Variants in DAGLB observed in about 807,000 individuals in gnomAD.
DAGLB encodes the protein diacylglycerol lipase-beta.
In DAGLB, 66 loss-of-function variants were observed where a neutral mutation model predicts 72.1. That is an observed-to-expected ratio of 0.92 (90% CI 0.75 to 1.12). The LOEUF (loss-of-function observed/expected upper bound fraction) is 1.12. DAGLB is among the 50% of genes most tolerant of loss of function. The pLI, the probability that DAGLB is intolerant of heterozygous loss-of-function variation, is 0.00. For synonymous variants in DAGLB, 414 were observed against 359.5 expected (o/e 1.15, Z -1.71); for missense variants, 1,065 against 884.9 (o/e 1.20, Z -2.58).
intron 9 of DAGLB, chr7:6,417,915 G>A (rs1027548588): frequency 2.0e-5 from 3 of 152,170 alleles, no homozygotes; most frequent in African/African-American, 7.2e-5. Flanking sequence ...CTGTTGCCCA[G>A]GATGGAGTGC....
intron 2 of DAGLB, among the ~76,000 whole-genome samples, chr7:6,437,167 T>G (rs74955501): frequency 1.0e-4 from 13 of 129,904 alleles, no homozygotes; most frequent in Non-Finnish European, 1.8e-4. Context: ...ATAATAATAA[T>G]AATAATAATA....
intron 5 of DAGLB, among the ~76,000 whole-genome samples, chr7:6,431,903 T>C (rs1378841117): frequency 6.6e-6 from 1 of 152,134 alleles, no homozygotes; most frequent in African/African-American, 2.4e-5. Flanking sequence ...AAGCCGCCAA[T>C]CAGATTCCAA....
chr7:6,447,647 G>T lies in DAGLB; in HGVS notation c.95+101C>A. The T allele has an allele frequency of 2.1e-6, 3 of 1,452,780 alleles. No individual in the cohort carries two copies. The South Asian group carries it at 4.0e-5, about 19-fold the overall frequency. The allele number at this position is 1,452,780 out of a possible 1,614,324, so 90.0% of individuals were successfully genotyped here. ...GATGCGTGGCCAGCGCTGGGACCGCGACAGTGCTTGGGAAGCCACTTCTGT... is the reference window on the plus strand; with the variant it reads ...GATGCGTGGCCAGCGCTGGGACCGCTACAGTGCTTGGGAAGCCACTTCTGT... On this transcript the variant is annotated intron_variant, in intron 1 of 14. Coordinates refer to ENST00000297056, the MANE Select transcript of DAGLB (RefSeq NM_139179.4).
At chr7:6,433,548 G>C (rs1339908110) in intron 4 of DAGLB, among the ~76,000 whole-genome samples, 1 of 152,172 alleles carries the variant, frequency 6.6e-6, no homozygotes, top group Non-Finnish European at 1.5e-5. Flanking sequence ...CGTAAGAATG[G>C]ACAATATACT....
chr7:6,432,891 G>C lies in DAGLB; in HGVS notation c.747C>G (p.Ile249Met), dbSNP rs1289270106. The C allele has an allele frequency of 6.2e-7, 1 of 1,613,926 alleles. No individual in the cohort carries two copies. The change falls in exon 5 of 15, where the codon ATC becomes ATG. Residue 249 changes from isoleucine (I) to methionine (M), a missense_variant. Transcript: ENST00000297056. Reference protein sequence around the residue: ...LALLHQQQDNIRNNQEPAQVV... With the variant: ...LALLHQQQDNMRNNQEPAQVV... ...CCTGGGCAGGCTCTTGGTTGTTCCT[G>C]ATATTGTCCTGTTGCTGATGAAGCA...
intron 1 of DAGLB, among the ~76,000 whole-genome samples, chr7:6,447,171 C>G (rs1785034000): frequency 6.6e-6 from 1 of 152,200 alleles, no homozygotes; most frequent in Non-Finnish European, 1.5e-5. Flanking sequence ...ATGATTCATT[C>G]CCTGCACAGA....
At chr7:6,412,923 C>T in intron 12 of DAGLB, 40 bp from the exon 13 acceptor site, 2 of 1,612,728 alleles carry the variant, frequency 1.2e-6, no homozygotes, top group Non-Finnish European at 1.7e-6. Context: ...GGACCTGGCA[C>T]TCCCAACCCC....
chr7:6,421,940 G>A, intron 8 of DAGLB, 136 bp from the exon 9 acceptor site: 1 of 982,572 alleles, frequency 1.0e-6, no homozygotes, highest in Non-Finnish European at 1.6e-6. Flanking sequence ...TCCTGGGACT[G>A]AACCCTAAAC....
Position 6,430,564 on chromosome 7 carries a change from A to G in DAGLB, c.845T>C (p.Met282Thr). Residue 282 changes from methionine to threonine, a missense_variant, in exon 6 of 15, where the codon ATG (methionine) becomes ACG (threonine). Met to Thr is a moderately conservative substitution (Grantham distance 81). Coordinates refer to ENST00000297056, the MANE Select transcript of DAGLB (RefSeq NM_139179.4). ...DAELENCHHYMQFAAAAYGWP... is the reference protein window; with the variant it reads ...DAELENCHHYTQFAAAAYGWP... ...CCCATAGGCCGCTGCTGCAAACTGCATGTAATGATGGCAGTTTTCTAATTC... is the reference window on the plus strand; with the variant it reads ...CCCATAGGCCGCTGCTGCAAACTGCGTGTAATGATGGCAGTTTTCTAATTC... 2 of 1,604,740 alleles carry G rather than the reference A, an allele frequency of 1.2e-6. No homozygotes were observed. Among genetic ancestry groups the G allele is most frequent in the South Asian group, 1.1e-5 (1 of 89,724 alleles).
chr7:6,413,548 T>C (rs1783803896), intron 11 of DAGLB, among the ~76,000 whole-genome samples: 1 of 150,930 alleles, frequency 6.6e-6, no homozygotes, highest in Non-Finnish European at 1.5e-5. Context: ...GAGAATGGCA[T>C]GAACCCGGGA....
chr7:6,427,844 G>C (rs1215095211), intron 6 of DAGLB, among the ~76,000 whole-genome samples: 1 of 152,164 alleles, frequency 6.6e-6, no homozygotes, highest in Non-Finnish European at 1.5e-5. Flanking sequence ...CATATGAAAA[G>C]AACACTGGAG....
At chr7:6,424,857 A>T in intron 7 of DAGLB, 22 bp from the exon 8 acceptor site, 3 of 1,611,994 alleles carry the variant, frequency 1.9e-6, no homozygotes, top group Non-Finnish European at 2.5e-6. Flanking sequence ...AGAAACAAGC[A>T]TGGGGCCTAA....
intron 7 of DAGLB, among the ~76,000 whole-genome samples, chr7:6,425,487 G>C (rs1053286522): frequency 6.6e-6 from 1 of 152,114 alleles, no homozygotes; most frequent in African/African-American, 2.4e-5. Flanking sequence ...GGCCAGGCTG[G>C]TCTCGAACTC....
chr7:6,444,590 A>T (rs1263374092), intron 2 of DAGLB, among the ~76,000 whole-genome samples: 3 of 150,768 alleles, frequency 2.0e-5, no homozygotes, highest in Non-Finnish European at 3.0e-5. Context: ...CAGCGGAGGG[A>T]GACTCTATCT....
At chr7:6,432,696 A>AGGGGAGGAGGGGGAGGGG in intron 5 of DAGLB, 141 bp downstream of exon 5, 1 of 599,634 alleles carries the variant, frequency 1.7e-6, no homozygotes, top group East Asian at 5.8e-5. Context: ...AGGGGAGGGA[A>AGGGGAGGAGGGGGAGGGG]GGGGAGGAGG....
chr7:6,431,315 G>A (rs1784481818), intron 5 of DAGLB, among the ~76,000 whole-genome samples: 1 of 152,054 alleles, frequency 6.6e-6, no homozygotes. Context: ...ATAACAACCT[G>A]TGGCAGGAAA....
intron 6 of DAGLB, among the ~76,000 whole-genome samples, chr7:6,427,435 T>C (rs575692269): frequency 1.3e-5 from 2 of 152,170 alleles, no homozygotes; most frequent in African/African-American, 2.4e-5. Context: ...CGCTCAAGTG[T>C]TGGAGACCAG....
intron 6 of DAGLB, among the ~76,000 whole-genome samples, chr7:6,429,442 G>C (rs1784410053): frequency 6.6e-6 from 1 of 151,540 alleles, no homozygotes; most frequent in South Asian, 2.1e-4. Context: ...CATCATCCTG[G>C]ATTGGAGAAA....
rs1419430447 is a variant in DAGLB at position 6,438,481 on chromosome 7, G to A, written c.248-1948C>T. On this transcript the variant is annotated intron_variant, in intron 2 of 14. Transcript: ENST00000297056. ...CTAACCTCTCTGAGGGGGAAAGGGT[G>A]CAGGTATGTGGAAAAAAAAAAACAC... Among the ~76,000 whole-genome samples, 4 of 151,904 alleles carry A rather than the reference G, an allele frequency of 2.6e-5. No individual in the cohort carries two copies. In the South Asian group the frequency reaches 8.3e-4, roughly 32 times the overall value.
Sources: gnomAD v4.1 joint callset for allele counts (sites outside exome capture counted in the v4.1 genomes callset) on GRCh38, gnomAD v4.1.1 for gene constraint, MANE v1.5 for transcripts, NCBI Gene and HGNC (gene_info 2026-07-23, HGNC 2026-07-21) for gene names.